GLCCI1: variants seen among roughly 807,000 people sequenced by gnomAD.
The protein encoded by GLCCI1 is glucocorticoid-induced transcript 1 protein.
A neutral mutation model predicts 52.2 loss-of-function variants in GLCCI1; 24 were observed. The observed-to-expected ratio is 0.46, with a 90% confidence interval of 0.33 to 0.65. The LOEUF (loss-of-function observed/expected upper bound fraction) is 0.65. Among genes scored for constraint, GLCCI1 ranks in the 30% least tolerant of loss-of-function variants. GLCCI1 has a pLI of 0.02. For synonymous variants in GLCCI1, 310 were observed against 276.5 expected, an observed-to-expected ratio of 1.12 and a Z score of -1.20; for missense variants, 704 against 701.5, an observed-to-expected ratio of 1.00 and a Z score of -0.04.
intron 2 of GLCCI1, among the ~76,000 whole-genome samples, chr7:8,005,801 G>A (rs749693212): frequency 3.3e-5 from 5 of 150,422 alleles, no homozygotes; most frequent in South Asian, 2.1e-4. Context: ...TTGTTTGTTT[G>A]TTTTGTTTTT....
At chr7:8,028,359 A>G (rs965553208) in intron 3 of GLCCI1, among the ~76,000 whole-genome samples, 4 of 152,200 alleles carry the variant, frequency 2.6e-5, no homozygotes, top group Admixed American at 2.6e-4. Flanking sequence ...CTCCTAAATG[A>G]CCAATGAGTC....
At chr7:8,065,634 G>T (rs751330925) in intron 5 of GLCCI1, among the ~76,000 whole-genome samples, 3 of 152,122 alleles carry the variant, frequency 2.0e-5, no homozygotes, top group Non-Finnish European at 4.4e-5. Flanking sequence ...TTTATTGAAA[G>T]CCCTTTCTGT....
chr7:8,058,651 G>A (rs560420052), intron 4 of GLCCI1, among the ~76,000 whole-genome samples: 38 of 152,202 alleles, frequency 2.5e-4, no homozygotes, highest in Admixed American at 1.0e-3. Context: ...ATCATGATAG[G>A]TTAAGTATTT....
Position 7,976,517 on chromosome 7 carries a change from GA to G in GLCCI1, c.457+6711del, listed in dbSNP as rs1176123244. On this transcript the variant is annotated intron_variant, in intron 1 of 7. Transcript: ENST00000223145. ...AAAAAAAGGAAAGGAAAAAGGAAAG[GA>G]GAAAGGAAAAAGGAAATAAAAGAAA... Among the ~76,000 whole-genome samples the G allele has an allele frequency of 1.8e-4, 24 of 134,680 alleles. 1 individual carries two copies. The South Asian group carries it at 1.9e-3, about 11-fold the overall frequency. 88.4% of individuals were successfully genotyped at this position (134,680 alleles called of 152,430 possible).
At chr7:8,038,926 G>A (rs1331733149) in intron 3 of GLCCI1, among the ~76,000 whole-genome samples, 2 of 151,920 alleles carry the variant, frequency 1.3e-5, no homozygotes, top group South Asian at 2.1e-4. Context: ...AAAAAAATAC[G>A]TAACCCTGTT....
chr7:7,976,117 G>A (rs555505402), intron 1 of GLCCI1, among the ~76,000 whole-genome samples: 4 of 152,230 alleles, frequency 2.6e-5, no homozygotes, highest in East Asian at 1.9e-4. Flanking sequence ...AACAGTGTAC[G>A]TATATAACTT....
At chr7:8,000,181 G>A (rs187512685) in intron 1 of GLCCI1, among the ~76,000 whole-genome samples, 56 of 152,156 alleles carry the variant, frequency 3.7e-4, no homozygotes, top group East Asian at 3.9e-4. Context: ...GTGTTTCTTC[G>A]CAGTGGAAGG....
intron 1 of GLCCI1, among the ~76,000 whole-genome samples, chr7:8,001,545 T>G (rs184174695): frequency 2.9e-4 from 44 of 152,274 alleles, no homozygotes; most frequent in African/African-American, 1.0e-3. Context: ...AAGACAGTGG[T>G]GATTCCTCAA....
chr7:7,969,372 T>G lies in GLCCI1; in HGVS notation c.22T>G (p.Ser8Ala). The part of the protein sequence containing the change: MSTASSS[S>A]SSSSSQTPHP... The stretch of plus-strand genomic sequence containing the variant: ...CACCATGTCCACTGCCTCCTCCTCC[T>G]CCTCCTCCAGTTCCTCTCAGACCCC... Residue 8 changes from serine to alanine, a missense_variant, in exon 1 of 8, where the codon TCC becomes GCC. Ser to Ala is a moderately conservative substitution (Grantham distance 99, BLOSUM62 1). This residue lies in a region of GLCCI1 where 547 missense variants were observed against 524.8 expected (regional missense o/e 1.04). Coordinates refer to ENST00000223145, the MANE Select transcript of GLCCI1 (RefSeq NM_138426.4). This position sits in a 1 kb window ranked among gnomAD's most constrained non-coding sequence, Gnocchi z 4.9. 6.8e-7 allele frequency: 1 copy of G among 1,478,492 alleles called. No individual in the cohort carries two copies. The highest frequency in any genetic ancestry group is 9.0e-7 in the Non-Finnish European group (1 of 1,115,064). The allele number at this position is 1,478,492 out of a possible 1,614,324, so 91.6% of individuals were successfully genotyped here. A position where few individuals can be genotyped will look rare whatever the true frequency, so the allele number is the denominator to read the frequency against.
chr7:8,053,286 A>G (rs992970137), intron 3 of GLCCI1, among the ~76,000 whole-genome samples: 19 of 137,294 alleles, frequency 1.4e-4, no homozygotes, highest in African/African-American at 5.2e-4. Flanking sequence ...CTACCTTTTC[A>G]TGGTTTTGTT....
At chr7:7,990,918 A>G (rs752252441) in intron 1 of GLCCI1, among the ~76,000 whole-genome samples, 9 of 152,022 alleles carry the variant, frequency 5.9e-5, no homozygotes, top group Non-Finnish European at 1.3e-4. Context: ...CAACATATTC[A>G]CCATTGCTGG....
Position 8,086,424 on chromosome 7 carries a change from C to T in GLCCI1, c.1530C>T (p.Thr510=), listed in dbSNP as rs545696879. ...CCTTTACGTCTCTTTCTGATGACAC[C>T]AGCACAGCGGGCTCCATGGAGGCCT... ...RVSFTSLSDD[T]STAGSMEASV... The change falls in exon 8 of 8, where the codon ACC becomes ACT. Residue 510 remains threonine (T), a synonymous_variant. Coordinates refer to ENST00000223145, the MANE Select transcript of GLCCI1 (RefSeq NM_138426.4). This position sits in a 1 kb window ranked among gnomAD's most constrained non-coding sequence, Gnocchi z 4.4. The T allele has an allele frequency of 6.2e-7, 1 of 1,614,148 alleles. No homozygotes were observed. Among genetic ancestry groups the T allele is most frequent in the East Asian group, 2.2e-5 (1 of 44,880 alleles).
At chr7:8,036,352 C>T (rs963821571) in intron 3 of GLCCI1, among the ~76,000 whole-genome samples, 1 of 151,978 alleles carries the variant, frequency 6.6e-6, no homozygotes, top group Non-Finnish European at 1.5e-5. Flanking sequence ...GAATAAAAGC[C>T]AAAAGGCCAT....
At chr7:7,970,618 A>T (rs1780330696) in intron 1 of GLCCI1, 1 of 152,374 alleles carries the variant, frequency 6.6e-6, no homozygotes. Flanking sequence ...TTTTTTTGTT[A>T]GGTGTCAAAG....
chr7:8,033,928 A>G (rs1455382233), intron 3 of GLCCI1, among the ~76,000 whole-genome samples: 1 of 152,180 alleles, frequency 6.6e-6, no homozygotes, highest in Non-Finnish European at 1.5e-5. Context: ...GTATGGAAAT[A>G]CAAAGGATCT....
chr7:7,985,779 A>G (rs1281387203), intron 1 of GLCCI1, among the ~76,000 whole-genome samples: 1 of 152,216 alleles, frequency 6.6e-6, no homozygotes, highest in Non-Finnish European at 1.5e-5. Context: ...ATCATATAAT[A>G]TAGTTTTAGA....
intron 6 of GLCCI1, among the ~76,000 whole-genome samples, chr7:8,083,583 A>G (rs1226407573): frequency 6.6e-6 from 1 of 152,190 alleles, no homozygotes; most frequent in Admixed American, 6.5e-5. Context: ...TGGTATATGA[A>G]GAAACCAAAT....
chr7:8,075,442 C>T (rs1782857407), intron 6 of GLCCI1, among the ~76,000 whole-genome samples: 1 of 152,198 alleles, frequency 6.6e-6, no homozygotes, highest in Non-Finnish European at 1.5e-5. Flanking sequence ...TTGACATCAT[C>T]AGAATGTACC....
rs548352816 is a variant in GLCCI1 at position 8,087,612 on chromosome 7, A to ATTCT, written c.*1077_*1080dup. On this transcript the variant is annotated 3_prime_UTR_variant, in exon 8 of 8. Coordinates refer to ENST00000223145, the MANE Select transcript of GLCCI1 (RefSeq NM_138426.4). The stretch of plus-strand genomic sequence containing the variant: ...TTTATATTTAGTTTCTCCCTTGGAA[A>ATTCT]TTCTTTATTTTGCAGGTGAAAAAGT... 1 of 152,490 alleles carries ATTCT rather than the reference A, an allele frequency of 6.6e-6. No individual in the cohort carries two copies. Among genetic ancestry groups the ATTCT allele is most frequent in the Non-Finnish European group, 1.5e-5 (1 of 68,028 alleles). The allele number at this position is 152,490 out of a possible 1,614,324, so 9.4% of individuals were successfully genotyped here.
Sources: allele counts gnomAD v4.1 joint callset (sites outside exome capture counted in the v4.1 genomes callset), GRCh38; gene constraint gnomAD v4.1.1; regional missense constraint gnomAD v4.1.1; non-coding constraint Gnocchi (gnomAD v3.1); transcripts MANE v1.5; gene names NCBI Gene and HGNC (gene_info 2026-07-23, HGNC 2026-07-21).